CTNNA1: variants seen among roughly 807,000 people sequenced by gnomAD.
CTNNA1 encodes catenin alpha 1.
CTNNA1 carries 37 observed loss-of-function variants against 98.4 expected under a neutral mutation model. That is an observed-to-expected ratio of 0.38 (90% CI 0.29 to 0.49). The LOEUF is 0.49. Ranked by LOEUF, CTNNA1 falls within the 20% of genes least tolerant of loss-of-function variation. The pLI is 0.95. For synonymous variants in CTNNA1, 404 were observed against 413.2 expected (o/e 0.98, Z 0.27); for missense variants, 761 against 1,147.2 (o/e 0.66, Z 4.86).
At chr5:138,806,902 A>AT (rs1396291034) in intron 3 of CTNNA1, among the ~76,000 whole-genome samples, 1 of 151,986 alleles carries the variant, frequency 6.6e-6, no homozygotes, top group African/African-American at 2.4e-5. Flanking sequence ...GTTAATCTGT[A>AT]TAAGCTTTAG....
At chr5:138,902,418 T>C (rs1758236391) in intron 9 of CTNNA1, among the ~76,000 whole-genome samples, 2 of 152,190 alleles carry the variant, frequency 1.3e-5, no homozygotes, top group African/African-American at 4.8e-5. Flanking sequence ...CAGGGATCTT[T>C]GTTTTTTGTT....
intron 9 of CTNNA1, among the ~76,000 whole-genome samples, chr5:138,901,881 G>A (rs1438477775): frequency 6.6e-6 from 1 of 152,192 alleles, no homozygotes; most frequent in Non-Finnish European, 1.5e-5. Flanking sequence ...CTCTCAGAGA[G>A]CTATGGTCAT....
Position 138,771,762 on chromosome 5 carries a change from A to T in CTNNA1, c.-2-10161A>T, listed in dbSNP as rs138223537. 2.9e-3 allele frequency among the ~76,000 whole-genome samples: 443 copies of T among 152,322 alleles called. 3 individuals are homozygous for T. The highest frequency in any genetic ancestry group is 0.01 in the African/African-American group (416 of 41,564). On this transcript the variant is annotated intron_variant, in intron 1 of 17. Coordinates refer to ENST00000302763, the MANE Select transcript of CTNNA1 (RefSeq NM_001903.5). Reference sequence around the variant, plus strand: ...CCAAAGGCTGTGTTAACTCTGCTTGATGCAGATGCAAGCTGGCATACCTGT... The same window carrying T: ...CCAAAGGCTGTGTTAACTCTGCTTGTTGCAGATGCAAGCTGGCATACCTGT...
intron 1 of CTNNA1, chr5:138,761,888 T>A (rs1329486485): frequency 2.0e-5 from 3 of 152,248 alleles, no homozygotes; most frequent in African/African-American, 2.4e-5. Flanking sequence ...CCTATGGAGC[T>A]GGGACTACAG....
At chr5:138,800,818 A>C (rs1757498400) in intron 3 of CTNNA1, among the ~76,000 whole-genome samples, 1 of 151,882 alleles carries the variant, frequency 6.6e-6, no homozygotes, top group Non-Finnish European at 1.5e-5. Flanking sequence ...AAAAAAGTGC[A>C]ACAGAAGGGT....
chr5:138,795,531 G>T (rs146743783), intron 3 of CTNNA1, among the ~76,000 whole-genome samples: 1 of 152,116 alleles, frequency 6.6e-6, no homozygotes, highest in Admixed American at 6.5e-5. Context: ...GTATTTAAGA[G>T]AATTTGGTAT....
chr5:138,882,489 A>G (rs10515503), intron 7 of CTNNA1, among the ~76,000 whole-genome samples: 8,479 of 152,264 alleles, frequency 0.056, 312 homozygotes, highest in Non-Finnish European at 0.084. Flanking sequence ...GGATCTTTCA[A>G]TGTAGGGCAC....
chr5:138,797,885 T>TA (rs11445059), intron 3 of CTNNA1, among the ~76,000 whole-genome samples: 103,677 of 150,164 alleles, frequency 0.69, 35,802 homozygotes, highest in East Asian at 0.93. Flanking sequence ...AAAAAACTGC[T>TA]AAAAAAAAAA....
chr5:138,912,568 GTAAAAACTGAATGCT>G (rs985014004), intron 10 of CTNNA1, among the ~76,000 whole-genome samples: 2 of 152,100 alleles, frequency 1.3e-5, no homozygotes. Context: ...ATACTTAATG[GTAAAAACTGAATGCT>G]TTCCCTGTAT....
intron 7 of CTNNA1, chr5:138,869,470 C>T (rs1209749488): frequency 6.6e-6 from 1 of 150,830 alleles, no homozygotes; most frequent in Non-Finnish European, 1.5e-5. Context: ...TCGCTGTATT[C>T]CTGTATTAGG....
chr5:138,753,690 C>T (rs1211225942), intron 1 of CTNNA1, 180 bp downstream of exon 1: 4 of 331,516 alleles, frequency 1.2e-5, no homozygotes, highest in East Asian at 9.0e-5. Flanking sequence ...CCGCGTCGGG[C>T]CGGCGGTCCC....
chr5:138,776,315 C>A (rs1353969332), intron 1 of CTNNA1, among the ~76,000 whole-genome samples: 3 of 151,710 alleles, frequency 2.0e-5, no homozygotes, highest in Non-Finnish European at 4.4e-5. Context: ...ATCCATTCAA[C>A]CCTGAGTGGA....
chr5:138,824,570 C>T lies in CTNNA1; in HGVS notation c.629C>T (p.Ala210Val). The change falls in exon 6 of 18, where the codon GCT (alanine) becomes GTT (valine). Residue 210 changes from alanine to valine, a missense_variant. Transcript: ENST00000302763. ...DVGHRDQMAA[A>V]RGILQKNVPI... is the part of the protein sequence containing the mutation. ...GGCCATCGTGATCAGATGGCTGCAGCTAGAGGAATCCTGCAGAAGAACGTT... is the reference window on the plus strand; with the variant it reads ...GGCCATCGTGATCAGATGGCTGCAGTTAGAGGAATCCTGCAGAAGAACGTT... 1 of 1,614,202 alleles carries T rather than the reference C, an allele frequency of 6.2e-7. No homozygotes were observed. The highest frequency in any genetic ancestry group is 8.5e-7 in the Non-Finnish European group (1 of 1,180,034).
intron 5 of CTNNA1, among the ~76,000 whole-genome samples, chr5:138,813,002 T>G (rs985261835): frequency 1.3e-5 from 2 of 152,244 alleles, no homozygotes. Flanking sequence ...CCAAGAAGAA[T>G]AGTTGTTGTT....
intron 11 of CTNNA1, among the ~76,000 whole-genome samples, chr5:138,919,091 C>G (rs1762398038): frequency 6.6e-6 from 1 of 152,198 alleles, no homozygotes; most frequent in Non-Finnish European, 1.5e-5. Context: ...TGCAGGACTG[C>G]CAAATTGCAG....
chr5:138,813,932 T>C (rs375827390), intron 5 of CTNNA1, among the ~76,000 whole-genome samples: 12 of 152,176 alleles, frequency 7.9e-5, no homozygotes, highest in African/African-American at 2.2e-4. Context: ...GCTATTAAAG[T>C]CTAATATATG....
At chr5:138,918,910 C>G (rs1561740263) in intron 11 of CTNNA1, among the ~76,000 whole-genome samples, 1 of 152,202 alleles carries the variant, frequency 6.6e-6, no homozygotes, top group African/African-American at 2.4e-5. Context: ...TAAGTACATG[C>G]ACAGCACAGT....
chr5:138,763,958 G>A (rs569881164), intron 1 of CTNNA1, among the ~76,000 whole-genome samples: 1 of 152,240 alleles, frequency 6.6e-6, no homozygotes, highest in East Asian at 1.9e-4. Flanking sequence ...TGGGAGGCGG[G>A]CAGATCACCT....
intron 10 of CTNNA1, among the ~76,000 whole-genome samples, chr5:138,905,428 C>A (rs1030647192): frequency 6.6e-6 from 1 of 152,216 alleles, no homozygotes; most frequent in African/African-American, 2.4e-5. Flanking sequence ...ATGAGAGTTA[C>A]CTCACACTAT....
Sources: gnomAD v4.1 joint callset for allele counts (sites outside exome capture counted in the v4.1 genomes callset) on GRCh38, gnomAD v4.1.1 for gene constraint, MANE v1.5 for transcripts, NCBI Gene and HGNC (gene_info 2026-07-23, HGNC 2026-07-21) for gene names.